Variants in PXYLP1 observed in about 807,000 individuals in gnomAD.
PXYLP1 encodes the protein acid phosphatase-like 2.
PXYLP1 carries 17 observed loss-of-function variants against 37.9 expected under a neutral mutation model. That is an observed-to-expected ratio of 0.45 (90% CI 0.31 to 0.67). The LOEUF (loss-of-function observed/expected upper bound fraction) is 0.67, where lower values mean the gene tolerates loss of function less well. Among genes scored for constraint, PXYLP1 ranks in the 30% least tolerant of loss-of-function variants. The probability of loss-of-function intolerance (pLI) is 0.07; values close to 1 mark genes in which losing one functional copy is unlikely to be tolerated. For synonymous variants in PXYLP1, 221 were observed against 232.2 expected, an observed-to-expected ratio of 0.95 and a Z score of 0.44; for missense variants, 511 against 612.0, an observed-to-expected ratio of 0.84 and a Z score of 1.74.
At chr3:141,238,484 T>C (rs1406618294) in intron 1 of PXYLP1, among the ~76,000 whole-genome samples, 1 of 152,224 alleles carries the variant, frequency 6.6e-6, no homozygotes, top group African/African-American at 2.4e-5. Flanking sequence ...CAGCTTGTAC[T>C]CAACATACAC....
chr3:141,276,929 A>G (rs1941808732), intron 2 of PXYLP1, among the ~76,000 whole-genome samples: 1 of 152,220 alleles, frequency 6.6e-6, no homozygotes, highest in Admixed American at 6.5e-5. Flanking sequence ...ACAGTATCAC[A>G]CTGTTGTTTT....
chr3:141,243,553 C>T (rs1475979168), intron 1 of PXYLP1, among the ~76,000 whole-genome samples: 2 of 152,238 alleles, frequency 1.3e-5, no homozygotes, highest in Non-Finnish European at 1.5e-5. Flanking sequence ...CGCCCACTGA[C>T]ATCCTCCCTG....
chr3:141,280,031 C>T (rs561872659), intron 4 of PXYLP1, among the ~76,000 whole-genome samples: 1 of 152,198 alleles, frequency 6.6e-6, no homozygotes, highest in African/African-American at 2.4e-5. Context: ...GTAGAGGCAG[C>T]CTGTTCTTGG....
intron 2 of PXYLP1, chr3:141,274,592 C>A: frequency 1.1e-6 from 1 of 901,114 alleles, no homozygotes; most frequent in African/African-American, 1.6e-5. Flanking sequence ...TCATCAAAAG[C>A]ATGGAGCACA....
chr3:141,274,497 C>T, intron 2 of PXYLP1: 3 of 1,524,866 alleles, frequency 2.0e-6, no homozygotes, highest in Non-Finnish European at 8.8e-7. Flanking sequence ...CTAGGTGTCT[C>T]CTCTGGGAAG....
chr3:141,244,499 CT>C (rs1940890173), intron 1 of PXYLP1, among the ~76,000 whole-genome samples: 1 of 151,392 alleles, frequency 6.6e-6, no homozygotes, highest in South Asian at 2.1e-4. Flanking sequence ...CCCGCTAGAC[CT>C]TTTTCGGTAA....
intron 1 of PXYLP1, chr3:141,235,550 T>G (rs1940639426): frequency 6.6e-6 from 1 of 151,880 alleles, no homozygotes. Flanking sequence ...GAGGGGAGAG[T>G]CTAGGTAAGT....
chr3:141,246,393 G>T (rs1266060432), intron 1 of PXYLP1, among the ~76,000 whole-genome samples: 1 of 152,154 alleles, frequency 6.6e-6, no homozygotes, highest in Non-Finnish European at 1.5e-5. Context: ...GAAGTGTCAT[G>T]GAGGAGAAAT....
chr3:141,237,708 C>G (rs1002808909), intron 1 of PXYLP1, among the ~76,000 whole-genome samples: 1 of 152,134 alleles, frequency 6.6e-6, no homozygotes, highest in Non-Finnish European at 1.5e-5. Context: ...ATGATGGATA[C>G]AGGATAATAG....
At position 141,252,281 on chromosome 3, in the gene PXYLP1, C is replaced by T. The variant is rs536342837; in HGVS notation, c.-53-7842C>T. 1.4e-3 allele frequency among the ~76,000 whole-genome samples: 212 copies of T among 152,212 alleles called. 1 individual carries two copies. Among genetic ancestry groups the T allele is most frequent in the African/African-American group, 4.9e-3 (204 of 41,516 alleles). On this transcript the variant is annotated intron_variant, in intron 1 of 5. Transcript: ENST00000286353. ...CAATCTGCAGCACTGATCAGCACAC[C>T]CCCTGTGTTAGTCCATTTTGTGTTG...
chr3:141,278,331 C>T lies in PXYLP1; in HGVS notation c.80-11C>T. On this transcript the variant is annotated splice_polypyrimidine_tract_variant and intron_variant, in intron 2 of 5. Transcript: ENST00000286353. ...GAACTGTGCGTCACAACCTGCCTTA[C>T]TTCGTTTCAGTCCACCTGATCCCGG... The T allele has an allele frequency of 6.2e-7, 1 of 1,614,106 alleles. No individual in the cohort carries two copies. Among genetic ancestry groups the T allele is most frequent in the East Asian group, 2.2e-5 (1 of 44,880 alleles).
At chr3:141,265,729 A>G (rs1941493413) in intron 2 of PXYLP1, among the ~76,000 whole-genome samples, 2 of 152,198 alleles carry the variant, frequency 1.3e-5, no homozygotes, top group Non-Finnish European at 2.9e-5. Context: ...TCATTCATGC[A>G]TGCATTCATT....
chr3:141,264,290 A>G (rs1463328616), intron 2 of PXYLP1, among the ~76,000 whole-genome samples: 1 of 152,210 alleles, frequency 6.6e-6, no homozygotes, highest in Non-Finnish European at 1.5e-5. Context: ...TCAGTTAAGC[A>G]TATGGTAGAA....
intron 1 of PXYLP1, among the ~76,000 whole-genome samples, chr3:141,239,217 C>T (rs902848788): frequency 6.6e-6 from 1 of 152,182 alleles, no homozygotes; most frequent in African/African-American, 2.4e-5. Flanking sequence ...CTTCTCTGGT[C>T]ATGATCATCT....
In PXYLP1 at chr3:141,290,998, T is replaced by C. The variant is rs79863465; in HGVS notation, c.506-1270T>C. On this transcript the variant is annotated intron_variant, in intron 5 of 5. Coordinates refer to ENST00000286353, the MANE Select transcript of PXYLP1 (RefSeq NM_001037172.3). ...GTTTTTTTGCAAAGCGTCTTGGAAG[T>C]GCTAAATCCTGTTCCAGCCTTTAGT... Among the ~76,000 whole-genome samples the C allele has an allele frequency of 1.1e-3, 170 of 152,256 alleles. 5 individuals are homozygous for C. The East Asian group carries it at 0.031, about 28-fold the overall frequency.
At chr3:141,254,753 A>G (rs1034191451) in intron 1 of PXYLP1, among the ~76,000 whole-genome samples, 4 of 152,168 alleles carry the variant, frequency 2.6e-5, no homozygotes, top group Non-Finnish European at 4.4e-5. Flanking sequence ...TTAGGCCAAA[A>G]TAATTCTGAC....
At chr3:141,275,673 A>G (rs1369026461) in intron 2 of PXYLP1, among the ~76,000 whole-genome samples, 2 of 152,056 alleles carry the variant, frequency 1.3e-5, no homozygotes, top group Admixed American at 6.5e-5. Context: ...CCTTCCAACT[A>G]CTGGAAAGAA....
At chr3:141,286,596 G>A (rs901198828) in intron 4 of PXYLP1, among the ~76,000 whole-genome samples, 3 of 152,292 alleles carry the variant, frequency 2.0e-5, no homozygotes, top group East Asian at 3.9e-4. Flanking sequence ...TTGGCTTGGC[G>A]TGGCCAGAGC....
chr3:141,274,073 A>G (rs1941731050), intron 2 of PXYLP1: 8 of 988,338 alleles, frequency 8.1e-6, no homozygotes, highest in Non-Finnish European at 9.6e-6. Flanking sequence ...AGAGTTTCTA[A>G]TTGTTCCACA....
Sources: allele counts gnomAD v4.1 joint callset (sites outside exome capture counted in the v4.1 genomes callset), GRCh38; gene constraint gnomAD v4.1.1; transcripts MANE v1.5; gene names NCBI Gene and HGNC (gene_info 2026-07-23, HGNC 2026-07-21).